The following IL2RG variants were observed in gnomAD, a reference collection of about 807,000 sequenced individuals.
IL2RG encodes cytokine receptor common subunit gamma.
For missense variants in IL2RG, 205 were observed against 272.9 expected (o/e 0.75, Z 1.75); for synonymous variants, 111 against 108.5 (o/e 1.02, Z -0.15).
chrX:71,110,793 C>T lies in IL2RG; in HGVS notation c.269+104G>A, dbSNP rs1329878784. The T allele has an allele frequency of 8.1e-6, 9 of 1,106,118 alleles. No homozygotes were observed. Among genetic ancestry groups the T allele is most frequent in the Non-Finnish European group, 1.1e-5 (9 of 805,617 alleles). The allele number at this position is 1,106,118 out of a possible 1,213,427, so 91.2% of individuals were successfully genotyped here. On this transcript the variant is annotated intron_variant, in intron 2 of 7. Transcript: ENST00000374202. ...CCCCTCAACCGACTTATGACTTACCCCAGGAGAAAACAGTGGGGTACCTGG... is the reference window on the plus strand; with the variant it reads ...CCCCTCAACCGACTTATGACTTACCTCAGGAGAAAACAGTGGGGTACCTGG...
chrX:71,108,133 G>A (rs1344414369), intron 7 of IL2RG, 144 bp downstream of exon 7: 1 of 552,589 alleles, frequency 1.8e-6, no homozygotes, highest in African/African-American at 2.3e-5. Context: ...TATAGTCCAT[G>A]CCCCATTTGG....
intron 7 of IL2RG, 27 bp from the exon 8 acceptor site, chrX:71,107,948 G>A (rs201406927): frequency 8.8e-7 from 1 of 1,131,236 alleles, no homozygotes; most frequent in East Asian, 3.0e-5. Context: ...CCAGGTCAGG[G>A]GTCAATTAGG....
rs758080286 is a variant in IL2RG, at chrX:71,110,552, G to A, written c.406C>T (p.Arg136Trp). The A allele has an allele frequency of 1.9e-5, 23 of 1,209,668 alleles. No homozygotes were observed. The highest frequency in any genetic ancestry group is 8.7e-5 in the African/African-American group (5 of 57,157). Residue 136 changes from arginine to tryptophan, a missense_variant, in exon 3 of 8, where the codon CGG becomes TGG. Coordinates refer to ENST00000374202, the MANE Select transcript of IL2RG (RefSeq NM_000206.3). ...TGTGTGGCCTGTCTCCTGGGTTCCC[G>A]TGGGTCCTGGAGCTGAACAACAAAT... Reference protein sequence around the residue: ...QTFVVQLQDPREPRRQATQML... With the variant: ...QTFVVQLQDPWEPRRQATQML...
chrX:71,109,717 C>T (rs1189003102), intron 4 of IL2RG, among the ~76,000 whole-genome samples: 1 of 110,694 alleles, frequency 9.0e-6, no homozygotes, highest in South Asian at 3.8e-4. Flanking sequence ...GGCAGATCAC[C>T]TGAGGTCAGG....
chrX:71,108,769 G>A, intron 5 of IL2RG, 74 bp from the exon 6 acceptor site: 1 of 667,283 alleles, frequency 1.5e-6, no homozygotes. Context: ...CTGGTGCCAG[G>A]CACCGCGCTA....
rs767758983 is a variant in IL2RG at position 71,108,344 on chromosome X, G to A, written c.857C>T (p.Thr286Met). The A allele has an allele frequency of 6.9e-5, 81 of 1,180,273 alleles. No individual in the cohort carries two copies. Among genetic ancestry groups the A allele is most frequent in the African/African-American group, 1.9e-4 (11 of 56,579 alleles). ...CTTCAGGGTGGGAATTCGGGGCATC[G>A]TCCTGACAGGGGAGAAAGAGGGAGC... ...LLCVYFWLER[T>M]MPRIPTLKNL... is the part of the protein sequence containing the mutation. Residue 286 changes from threonine to methionine, a missense_variant and splice_region_variant, in exon 7 of 8, where the codon ACG (threonine) becomes ATG (methionine). By Grantham distance (81) the Thr-to-Met change is moderately conservative. Coordinates refer to ENST00000374202, the MANE Select transcript of IL2RG (RefSeq NM_000206.3).
chrX:71,107,951 C>T (rs770866901), intron 7 of IL2RG, 30 bp from the exon 8 acceptor site: 3 of 1,121,735 alleles, frequency 2.7e-6, no homozygotes, highest in Admixed American at 4.4e-5. Flanking sequence ...GGTCAGGGGT[C>T]AATTAGGGGC....
Position 71,107,530 on chromosome X carries a change from G to A in IL2RG, c.*206C>T. ...TCCTGCGAAAAGGAAGGGCCAGACT[G>A]AGGGAGAAGAAAAACATGTTCGGGG... On this transcript the variant is annotated 3_prime_UTR_variant, in exon 8 of 8. Coordinates refer to ENST00000374202, the MANE Select transcript of IL2RG (RefSeq NM_000206.3). 1 of 322,630 alleles carries A rather than the reference G, an allele frequency of 3.1e-6. No homozygotes were observed. The highest frequency in any genetic ancestry group is 4.6e-5 in the East Asian group (1 of 21,686). 26.6% of individuals were successfully genotyped at this position (322,630 alleles called of 1,213,427 possible).
At chrX:71,111,269 A>G in intron 1 of IL2RG, 156 bp downstream of exon 1, 1 of 740,195 alleles carries the variant, frequency 1.4e-6, no homozygotes, top group South Asian at 2.7e-5. Flanking sequence ...AAGAAGAAGT[A>G]GCGTGAGGCA....
In IL2RG at chrX:71,111,281, G is replaced by A. The variant is rs1339781132; in HGVS notation, c.115+144C>T. 29 of 839,527 alleles carry A rather than the reference G, an allele frequency of 3.5e-5. No homozygotes were observed. In the East Asian group the frequency reaches 9.9e-4, roughly 29 times the overall value. The allele number at this position is 839,527 out of a possible 1,213,427, so 69.2% of individuals were successfully genotyped here. A position where few individuals can be genotyped will look rare whatever the true frequency, so the allele number is the denominator to read the frequency against. ...AGAAAGAAGAAGTAGCGTGAGGCAGGGAACCCTCCCCCTTGCCCTTCCCAC... is the reference window on the plus strand; with the variant it reads ...AGAAAGAAGAAGTAGCGTGAGGCAGAGAACCCTCCCCCTTGCCCTTCCCAC... On this transcript the variant is annotated intron_variant, in intron 1 of 7. Transcript: ENST00000374202.
At position 71,107,883 on chromosome X, in the gene IL2RG, C is replaced by T. The variant is rs181901993; in HGVS notation, c.963G>A (p.Leu321=). ...SGVSKGLAES[L]QPDYSERLCL... The stretch of plus-strand genomic sequence containing the variant: ...AGAGTCGTTCACTGTAGTCTGGCTG[C>T]AGACTCTCAGCCAGTCCCTTAGACA... The change falls in exon 8 of 8, where the codon CTG becomes CTA. Residue 321 remains leucine, a synonymous_variant. Transcript: ENST00000374202. 5.8e-6 allele frequency: 7 copies of T among 1,206,964 alleles called. No individual in the cohort carries two copies. In the East Asian group the frequency reaches 1.8e-4, roughly 31 times the overall value.
chrX:71,107,995 G>T, intron 7 of IL2RG, 74 bp from the exon 8 acceptor site: 1 of 852,719 alleles, frequency 1.2e-6, no homozygotes, highest in Non-Finnish European at 1.7e-6. Context: ...TGCCAAAGGA[G>T]TACTCATGAT....
chrX:71,109,532 C>T (rs2092258622), intron 4 of IL2RG, 142 bp from the exon 5 acceptor site: 1 of 551,043 alleles, frequency 1.8e-6, no homozygotes, highest in East Asian at 3.6e-5. Flanking sequence ...CACACTGCTC[C>T]CTTCACTGAC....
chrX:71,111,566 T>C lies in IL2RG; in HGVS notation c.-27A>G. 23 of 1,209,045 alleles carry C rather than the reference T, an allele frequency of 1.9e-5. No homozygotes were observed. Among genetic ancestry groups the C allele is most frequent in the Non-Finnish European group, 2.5e-5 (22 of 893,692 alleles). On this transcript the variant is annotated 5_prime_UTR_variant, in exon 1 of 8. Transcript: ENST00000374202. ...GCGCTTGCTCTTCATTCCCTGGGTG[T>C]AGTCTGTCTGTGTCAGGAACCTGGG...
rs2092255514 is a variant in IL2RG at position 71,108,337 on chromosome X, G to T, written c.864C>A (p.Pro288=). ...CTAGGTTCTTCAGGGTGGGAATTCG[G>T]GGCATCGTCCTGACAGGGGAGAAAG... The part of the protein sequence containing the change: ...CVYFWLERTM[P]RIPTLKNLED... Residue 288 remains proline (P), a synonymous_variant, in exon 7 of 8, where the codon CCC becomes CCA. Coordinates refer to ENST00000374202, the MANE Select transcript of IL2RG (RefSeq NM_000206.3). 8.4e-7 allele frequency: 1 copy of T among 1,196,550 alleles called. No homozygotes were observed. The highest frequency in any genetic ancestry group is 1.8e-5 in the African/African-American group (1 of 56,790).
chrX:71,108,159 CAGTT>C (rs1214825255), intron 7 of IL2RG, 114 bp downstream of exon 7: 9 of 593,067 alleles, frequency 1.5e-5, no homozygotes, highest in Admixed American at 7.5e-5. Flanking sequence ...CACATCCTGA[CAGTT>C]AGTGCAGGGC....
Position 71,107,812 on chromosome X carries a change from C to T in IL2RG, c.1034G>A (p.Gly345Glu). The change falls in exon 8 of 8, where the codon GGG becomes GAG. Residue 345 changes from glycine (G) to glutamate (E), a missense_variant. Gly to Glu is a moderately conservative substitution (Grantham distance 98). Coordinates refer to ENST00000374202, the MANE Select transcript of IL2RG (RefSeq NM_000206.3). Reference protein sequence around the residue: ...IPPKGGALGEGPGASPCNQHS... With the variant: ...IPPKGGALGEEPGASPCNQHS... ...CTGGTTGCATGGGGAGGCCCCAGGC[C>T]CCTCCCCAAGGGCCCCTCCTTTTGG... 6.7e-6 allele frequency: 8 copies of T among 1,195,210 alleles called. No homozygotes were observed. The highest frequency in any genetic ancestry group is 9.0e-6 in the Non-Finnish European group (8 of 884,988).
rs2092260155 is a variant in IL2RG at position 71,110,058 on chromosome X, A to T, written c.594+98T>A. 3.2e-6 allele frequency: 3 copies of T among 934,090 alleles called. No homozygotes were observed. The African/African-American group carries it at 5.8e-5, about 18-fold the overall frequency. 77.0% of individuals were successfully genotyped at this position (934,090 alleles called of 1,213,427 possible). A position where few individuals can be genotyped will look rare whatever the true frequency, so the allele number is the denominator to read the frequency against. Reference sequence around the variant, plus strand: ...GAGCAGAGAAGCTGGGAGGCAGAGAACAGGAGCTTGATATTAGGTCCTTCT... The same window carrying T: ...GAGCAGAGAAGCTGGGAGGCAGAGATCAGGAGCTTGATATTAGGTCCTTCT... On this transcript the variant is annotated intron_variant, in intron 4 of 7. Coordinates refer to ENST00000374202, the MANE Select transcript of IL2RG (RefSeq NM_000206.3).
Position 71,111,565 on chromosome X carries a change from G to A in IL2RG, c.-26C>T, listed in dbSNP as rs765894398. On this transcript the variant is annotated 5_prime_UTR_variant, in exon 1 of 8. Coordinates refer to ENST00000374202, the MANE Select transcript of IL2RG (RefSeq NM_000206.3). Reference sequence around the variant, plus strand: ...GGCGCTTGCTCTTCATTCCCTGGGTGTAGTCTGTCTGTGTCAGGAACCTGG... The same window carrying A: ...GGCGCTTGCTCTTCATTCCCTGGGTATAGTCTGTCTGTGTCAGGAACCTGG... The A allele has an allele frequency of 3.3e-6, 4 of 1,209,263 alleles. No individual in the cohort carries two copies. The highest frequency in any genetic ancestry group is 3.5e-5 in the South Asian group (2 of 56,724).
Sources: gnomAD v4.1 joint callset for allele counts (sites outside exome capture counted in the v4.1 genomes callset) on GRCh38, gnomAD v4.1.1 for gene constraint, MANE v1.5 for transcripts, NCBI Gene and HGNC (gene_info 2026-07-23, HGNC 2026-07-21) for gene names.